The following NTM variants were observed in gnomAD, a reference collection of about 807,000 sequenced individuals.
NTM encodes neurotrimin.
In NTM, 13 loss-of-function variants were observed where a neutral mutation model predicts 42.1. The observed-to-expected ratio is 0.31, with a 90% confidence interval of 0.20 to 0.49. The LOEUF is 0.49. NTM is among the 20% of genes least tolerant of loss of function. The pLI, the probability that NTM is intolerant of heterozygous loss-of-function variation, is 0.99. For missense variants in NTM, 373 were observed against 452.8 expected (o/e 0.82, Z 1.60); for synonymous variants, 187 against 179.2 (o/e 1.04, Z -0.35).
chr11:131,670,243 G>C (rs1401128568), intron 1 of NTM, among the ~76,000 whole-genome samples: 2 of 151,754 alleles, frequency 1.3e-5, no homozygotes, highest in Non-Finnish European at 2.9e-5. Flanking sequence ...ATCCCCTTTG[G>C]CAAAAAGTGG....
chr11:131,503,664 A>C (rs575875644), intron 1 of NTM, among the ~76,000 whole-genome samples: 31 of 149,116 alleles, frequency 2.1e-4, no homozygotes, highest in African/African-American at 5.7e-4. Context: ...CTGGGACCAC[A>C]GGCACACTCC....
chr11:131,921,140 C>T (rs990077008), intron 2 of NTM, among the ~76,000 whole-genome samples: 1 of 152,170 alleles, frequency 6.6e-6, no homozygotes, highest in African/African-American at 2.4e-5. Context: ...CCCATCTCCC[C>T]ACCATAAAAA....
chr11:131,890,852 C>T (rs1165691113), intron 1 of NTM, among the ~76,000 whole-genome samples: 2 of 152,162 alleles, frequency 1.3e-5, no homozygotes, highest in Non-Finnish European at 2.9e-5. Flanking sequence ...CTGGCAGAAC[C>T]ACTTTTGACA....
intron 2 of NTM, among the ~76,000 whole-genome samples, chr11:132,131,607 G>A (rs1033135143): frequency 4.6e-5 from 7 of 152,126 alleles, no homozygotes; most frequent in African/African-American, 1.7e-4. Context: ...AATGGGTTGG[G>A]GCATGGGAGA....
intron 3 of NTM, among the ~76,000 whole-genome samples, chr11:132,184,874 C>T (rs189256867): frequency 5.8e-4 from 88 of 152,254 alleles, no homozygotes; most frequent in Middle Eastern, 3.4e-3. Flanking sequence ...GGCTTCATGG[C>T]GTCAGAGGTG....
rs368676243 is a variant in NTM, at chr11:131,829,379, C to A, written c.83-82185C>A. 4.4e-4 allele frequency among the ~76,000 whole-genome samples: 67 copies of A among 152,208 alleles called. No individual in the cohort carries two copies. The South Asian group carries it at 0.014, about 31-fold the overall frequency. On this transcript the variant is annotated intron_variant, in intron 1 of 8. Transcript: ENST00000683400. ...AGAATTCTCCAGTGTCTATTGTTCC[C>A]ATCTTTATGTCCATGAGTACCCAAT...
intron 4 of NTM, among the ~76,000 whole-genome samples, chr11:132,303,593 A>AACAT (rs1323613375): frequency 6.6e-6 from 1 of 152,182 alleles, no homozygotes; most frequent in East Asian, 1.9e-4. Context: ...TTAGGATCTC[A>AACAT]ACATACCTTT....
intron 7 of NTM, among the ~76,000 whole-genome samples, chr11:132,324,612 G>A (rs1215876642): frequency 6.9e-6 from 1 of 145,950 alleles, no homozygotes. Context: ...GTAATTTACA[G>A]ATTCAATGCC....
chr11:132,317,088 C>T (rs191443709), intron 7 of NTM, among the ~76,000 whole-genome samples: 3 of 152,198 alleles, frequency 2.0e-5, no homozygotes, highest in Non-Finnish European at 2.9e-5. Context: ...CCATAGTCGG[C>T]GGTCTGGGAA....
chr11:131,911,187 G>T (rs1346229065), intron 1 of NTM: 1 of 1,351,688 alleles, frequency 7.4e-7, no homozygotes, highest in Non-Finnish European at 9.5e-7. Flanking sequence ...TTCACCTGCC[G>T]CGCGCTTCCC....
chr11:132,284,456 C>T (rs890864268), intron 4 of NTM: 8 of 152,630 alleles, frequency 5.2e-5, no homozygotes, highest in African/African-American at 1.9e-4. Flanking sequence ...TGGGTCTCCC[C>T]CAGTGACCTC....
At chr11:131,857,525 C>G (rs1267569713) in intron 1 of NTM, among the ~76,000 whole-genome samples, 1 of 152,142 alleles carries the variant, frequency 6.6e-6, no homozygotes, top group East Asian at 1.9e-4. Flanking sequence ...AGTGAAAATG[C>G]ATTACTCCTT....
chr11:131,485,182 G>A (rs1432237375), intron 1 of NTM, among the ~76,000 whole-genome samples: 1 of 152,138 alleles, frequency 6.6e-6, no homozygotes. Flanking sequence ...CAACCACCAG[G>A]GCATCAGGCC....
At chr11:131,929,497 A>G (rs1342277725) in intron 2 of NTM, among the ~76,000 whole-genome samples, 1 of 143,508 alleles carries the variant, frequency 7.0e-6, no homozygotes, top group African/African-American at 2.5e-5. Context: ...TGCCCTTATA[A>G]AAACTTTCCG....
At chr11:132,091,497 T>G (rs1358477478) in intron 2 of NTM, among the ~76,000 whole-genome samples, 3 of 152,028 alleles carry the variant, frequency 2.0e-5, no homozygotes, top group African/African-American at 7.3e-5. Context: ...ATTTATTTTA[T>G]TGAGACAAGG....
chr11:131,486,291 T>C (rs1322386242), intron 1 of NTM, among the ~76,000 whole-genome samples: 3 of 152,306 alleles, frequency 2.0e-5, no homozygotes, highest in Non-Finnish European at 1.5e-5. Flanking sequence ...TGATTCATGC[T>C]ACCAGAAAGG....
rs141121345 is a variant in NTM at position 131,894,632 on chromosome 11, GTGTT to G, written c.83-16927_83-16924del. Among the ~76,000 whole-genome samples, 524 of 152,218 alleles carry G rather than the reference GTGTT, an allele frequency of 3.4e-3. 7 individuals are homozygous for G. The highest frequency in any genetic ancestry group is 0.012 in the African/African-American group (494 of 41,536). Reference sequence around the variant, plus strand: ...TTCGCTTCCAAACAGAGCACCAGTTGTGTTTGTTCAGTGACCAACTGGCTGTCCA... The same window carrying G: ...TTCGCTTCCAAACAGAGCACCAGTTGTGTTCAGTGACCAACTGGCTGTCCA... On this transcript the variant is annotated intron_variant, in intron 1 of 8. Coordinates refer to ENST00000683400, the MANE Select transcript of NTM (RefSeq NM_001352005.2).
chr11:132,037,325 A>C (rs142460809), intron 2 of NTM, among the ~76,000 whole-genome samples: 1 of 152,052 alleles, frequency 6.6e-6, no homozygotes, highest in African/African-American at 2.4e-5. Flanking sequence ...CTCAGCCATG[A>C]GGGGAAGCAG....
intron 1 of NTM, among the ~76,000 whole-genome samples, chr11:131,834,625 C>CATATACATATATATATATATATAT (rs748768735): frequency 7.5e-6 from 1 of 133,986 alleles, no homozygotes; most frequent in Non-Finnish European, 1.6e-5. Flanking sequence ...TATACATATA[C>CATATACATATATATATATATATAT]ATATATATAT....
Sources: allele counts gnomAD v4.1 joint callset (sites outside exome capture counted in the v4.1 genomes callset), GRCh38; gene constraint gnomAD v4.1.1; transcripts MANE v1.5; gene names NCBI Gene and HGNC (gene_info 2026-07-23, HGNC 2026-07-21).